The following BABAM2 variants were observed in gnomAD, a reference collection of about 807,000 sequenced individuals.
BABAM2 encodes the protein BRISC and BRCA1-A complex member 2.
A neutral mutation model predicts 54.7 loss-of-function variants in BABAM2; 31 were observed. The observed-to-expected ratio is 0.57, with a 90% CI of 0.43 to 0.77. The LOEUF (loss-of-function observed/expected upper bound fraction) is 0.77. Ranked by LOEUF, BABAM2 falls within the 30% of genes least tolerant of loss-of-function variation. BABAM2 has a pLI of 0.00. For missense variants in BABAM2, 364 were observed against 455.8 expected (o/e 0.80, Z 1.83); for synonymous variants, 167 against 162.9 (o/e 1.03, Z -0.19).
At chr2:28,285,957 T>C (rs984442763) in intron 10 of BABAM2, among the ~76,000 whole-genome samples, 1 of 122,036 alleles carries the variant, frequency 8.2e-6, no homozygotes, top group Non-Finnish European at 1.7e-5. Context: ...AATAATAACT[T>C]TTTTTTTTTT....
At chr2:28,264,613 C>G (rs746056269) in intron 10 of BABAM2, among the ~76,000 whole-genome samples, 2 of 152,152 alleles carry the variant, frequency 1.3e-5, no homozygotes, top group Non-Finnish European at 1.5e-5. Flanking sequence ...TCCACCACAA[C>G]CAGTCAATGA....
intron 6 of BABAM2, among the ~76,000 whole-genome samples, chr2:28,062,478 A>G (rs1428436061): frequency 1.4e-5 from 2 of 144,764 alleles, no homozygotes; most frequent in African/African-American, 2.6e-5. Context: ...CAGGGGAATC[A>G]CTTGAACCCG....
At chr2:28,216,004 T>A (rs1364694343) in intron 7 of BABAM2, among the ~76,000 whole-genome samples, 2 of 152,314 alleles carry the variant, frequency 1.3e-5, no homozygotes, top group African/African-American at 4.8e-5. Context: ...TAATGCTAAT[T>A]TTGAAATCAA....
At chr2:27,998,155 G>GA (rs561397934) in intron 4 of BABAM2, among the ~76,000 whole-genome samples, 7 of 150,232 alleles carry the variant, frequency 4.7e-5, no homozygotes, top group African/African-American at 7.3e-5. Flanking sequence ...TCAGTCTCAA[G>GA]AAAAAAAAAT....
chr2:28,062,039 C>T lies in BABAM2; in HGVS notation c.570+16240C>T, dbSNP rs1194812862. Among the ~76,000 whole-genome samples the T allele has an allele frequency of 2.6e-5, 4 of 152,098 alleles. No individual in the cohort carries two copies. The East Asian group carries it at 7.7e-4, about 29-fold the overall frequency. On this transcript the variant is annotated intron_variant, in intron 6 of 11. Transcript: ENST00000379624. ...TTTGGGAGTCCAAGTCAGGGGATCACCTGAGGTCAGGAGTTCGAGACCAGC... is the reference window on the plus strand; with the variant it reads ...TTTGGGAGTCCAAGTCAGGGGATCATCTGAGGTCAGGAGTTCGAGACCAGC...
At chr2:27,961,574 A>G (rs1670471562) in intron 3 of BABAM2, among the ~76,000 whole-genome samples, 1 of 152,170 alleles carries the variant, frequency 6.6e-6, no homozygotes, top group South Asian at 2.1e-4. Flanking sequence ...TCAGCTTATG[A>G]TGGGCTTACT....
chr2:27,958,710 T>C (rs1573264333), intron 3 of BABAM2, among the ~76,000 whole-genome samples: 1 of 152,226 alleles, frequency 6.6e-6, no homozygotes, highest in South Asian at 2.1e-4. Flanking sequence ...GACTGACCTT[T>C]AGCTTCTTGC....
At chr2:27,924,333 T>A (rs1334182329) in intron 2 of BABAM2, among the ~76,000 whole-genome samples, 1 of 152,036 alleles carries the variant, frequency 6.6e-6, no homozygotes, top group Non-Finnish European at 1.5e-5. Context: ...ATATACAGAT[T>A]TGGGGCCAAG....
chr2:28,148,953 G>T (rs1209755293), intron 7 of BABAM2, among the ~76,000 whole-genome samples: 1 of 152,148 alleles, frequency 6.6e-6, no homozygotes, highest in Non-Finnish European at 1.5e-5. Flanking sequence ...CGCAGGAAAA[G>T]CCGACCAGCT....
chr2:28,026,968 A>ATC (rs1675891026), intron 5 of BABAM2, among the ~76,000 whole-genome samples: 3 of 64,782 alleles, frequency 4.6e-5, no homozygotes, highest in South Asian at 4.3e-4. Flanking sequence ...AAATATATAT[A>ATC]TAAATATATA....
At chr2:28,271,835 G>T (rs1685451605) in intron 10 of BABAM2, among the ~76,000 whole-genome samples, 1 of 152,122 alleles carries the variant, frequency 6.6e-6, no homozygotes, top group Admixed American at 6.6e-5. Flanking sequence ...GCTCAAGCTT[G>T]GTAATTACCC....
At chr2:27,959,378 T>C (rs1469155958) in intron 3 of BABAM2, among the ~76,000 whole-genome samples, 1 of 152,234 alleles carries the variant, frequency 6.6e-6, no homozygotes, top group African/African-American at 2.4e-5. Context: ...CTCATTAAAA[T>C]ACTATTACTG....
At chr2:28,285,591 G>T (rs1291243435) in intron 10 of BABAM2, among the ~76,000 whole-genome samples, 1 of 152,188 alleles carries the variant, frequency 6.6e-6, no homozygotes, top group Non-Finnish European at 1.5e-5. Flanking sequence ...CCTTCTGCCA[G>T]ATATTTGATT....
intron 6 of BABAM2, among the ~76,000 whole-genome samples, chr2:28,088,743 G>A: frequency 6.6e-6 from 1 of 152,202 alleles, no homozygotes; most frequent in East Asian, 1.9e-4. Flanking sequence ...TGCTGAGGTT[G>A]TGAGCTGCTG....
intron 3 of BABAM2, among the ~76,000 whole-genome samples, chr2:27,940,019 A>G (rs558453642): frequency 6.6e-6 from 1 of 152,350 alleles, no homozygotes; most frequent in Non-Finnish European, 1.5e-5. Flanking sequence ...TTTGTATAAG[A>G]TTCTATTGAA....
intron 11 of BABAM2, among the ~76,000 whole-genome samples, chr2:28,326,663 G>T (rs1289788403): frequency 6.6e-6 from 1 of 152,184 alleles, no homozygotes; most frequent in Non-Finnish European, 1.5e-5. Context: ...TAGCTCTGGG[G>T]CCTCAGGTCA....
At chr2:28,144,759 A>T (rs1671350579) in intron 7 of BABAM2, among the ~76,000 whole-genome samples, 1 of 152,224 alleles carries the variant, frequency 6.6e-6, no homozygotes. Flanking sequence ...TATTTTATTC[A>T]GTGTGCACAA....
At chr2:28,312,965 C>T (rs565369265) in intron 11 of BABAM2, among the ~76,000 whole-genome samples, 2 of 152,248 alleles carry the variant, frequency 1.3e-5, no homozygotes, top group South Asian at 4.1e-4. Flanking sequence ...GGTCCAAAGC[C>T]CAGCCCAAGC....
chr2:28,043,056 A>T (rs1019282788), intron 5 of BABAM2, among the ~76,000 whole-genome samples: 1 of 151,852 alleles, frequency 6.6e-6, no homozygotes, highest in African/African-American at 2.4e-5. Flanking sequence ...TTATATGCTG[A>T]TGAAAGTGAT....
Sources: gnomAD v4.1 joint callset for allele counts (sites outside exome capture counted in the v4.1 genomes callset) on GRCh38, gnomAD v4.1.1 for gene constraint, MANE v1.5 for transcripts, NCBI Gene and HGNC (gene_info 2026-07-23, HGNC 2026-07-21) for gene names.